Variants in ALKBH5 observed in about 807,000 individuals in gnomAD.
ALKBH5 encodes the protein alkB homolog 5, RNA demethylase.
In ALKBH5, 2 loss-of-function variants were observed where a neutral mutation model predicts 32.1. The observed-to-expected ratio is 0.06, with a 90% CI of 0.03 to 0.20. The LOEUF (loss-of-function observed/expected upper bound fraction) is 0.20, where lower values mean the gene tolerates loss of function less well. ALKBH5 is among the 10% of genes least tolerant of loss of function. The probability of loss-of-function intolerance (pLI) is 1.00; values close to 1 mark genes in which losing one functional copy is unlikely to be tolerated. For missense variants in ALKBH5, 352 were observed against 559.5 expected, an observed-to-expected ratio of 0.63 and a Z score of 3.74; for synonymous variants, 300 against 231.7, an observed-to-expected ratio of 1.29 and a Z score of -2.68.
Position 18,184,436 on chromosome 17 carries a change from G to A in ALKBH5, c.193G>A (p.Asp65Asn), listed in dbSNP as rs1311080940. 6.2e-7 allele frequency: 1 copy of A among 1,602,052 alleles called. No individual in the cohort carries two copies. The highest frequency in any genetic ancestry group is 8.5e-7 in the Non-Finnish European group (1 of 1,174,806). Residue 65 changes from aspartate (D) to asparagine (N), a missense_variant, in exon 1 of 4, where the codon GAC (aspartate) becomes AAC (asparagine). By Grantham distance (23) the Asp-to-Asn change is conservative. This residue lies in a region of ALKBH5 where 144 missense variants were observed against 125.8 expected (regional missense o/e 1.14). Transcript: ENST00000399138. ...CAAGCGCAAGTATCAGGAGGACTCG[G>A]ACCCCGAGCGCAGCGACTATGAGGA... ...GAKRKYQEDS[D>N]PERSDYEEQQ...
chr17:18,201,794 A>AG (rs1491101824), intron 2 of ALKBH5, among the ~76,000 whole-genome samples: 83 of 134,510 alleles, frequency 6.2e-4, no homozygotes, highest in African/African-American at 2.1e-3. Context: ...TAGGATAGAT[A>AG]AGATAGATAG....
intron 2 of ALKBH5, among the ~76,000 whole-genome samples, chr17:18,200,693 G>C (rs1037251592): frequency 6.6e-6 from 1 of 152,182 alleles, no homozygotes; most frequent in East Asian, 1.9e-4. Context: ...AGGCTTTCCA[G>C]ATAAGTGCCA....
intron 2 of ALKBH5, among the ~76,000 whole-genome samples, chr17:18,195,547 G>C (rs1034428834): frequency 1.3e-5 from 2 of 152,194 alleles, no homozygotes; most frequent in African/African-American, 4.8e-5. Flanking sequence ...GAGGGAATCA[G>C]GGATGTGCTA....
chr17:18,203,261 G>T (rs925714726), intron 2 of ALKBH5, among the ~76,000 whole-genome samples: 19 of 152,102 alleles, frequency 1.2e-4, no homozygotes, highest in Non-Finnish European at 2.6e-4. Flanking sequence ...GTAGGTAGTA[G>T]CTTTGTGACT....
chr17:18,207,575 A>G (rs1029415731), intron 3 of ALKBH5, among the ~76,000 whole-genome samples: 1 of 152,066 alleles, frequency 6.6e-6, no homozygotes, highest in African/African-American at 2.4e-5. Flanking sequence ...AGGCAGGAGA[A>G]TGGCGTGAAC....
rs1226170428 is a variant in ALKBH5, at chr17:18,208,325, T to C, written c.1114T>C (p.Tyr372His). 6.2e-7 allele frequency: 1 copy of C among 1,613,892 alleles called. No homozygotes were observed. Among genetic ancestry groups the C allele is most frequent in the African/African-American group, 1.3e-5 (1 of 74,856 alleles). The change falls in exon 4 of 4, where the codon TAC becomes CAC. Residue 372 changes from tyrosine to histidine, a missense_variant. Around this residue, in one of 4 missense-constraint regions of ALKBH5, gnomAD observed 124 missense variants for 142.4 expected, o/e 0.87. Coordinates refer to ENST00000399138, the MANE Select transcript of ALKBH5 (RefSeq NM_017758.4). ...CTCTGAGAACTACTGGCGCAAGTCA[T>C]ACGAGTCCTCAGAGGACTGCTCTGA... is the stretch of plus-strand genomic sequence containing the variant. ...FSSENYWRKS[Y>H]ESSEDCSEAA...
At chr17:18,193,981 A>T (rs2047191884) in intron 1 of ALKBH5, among the ~76,000 whole-genome samples, 1 of 152,200 alleles carries the variant, frequency 6.6e-6, no homozygotes, top group African/African-American at 2.4e-5. Flanking sequence ...TGTGAGGGGT[A>T]TAGGAAGCTC....
At chr17:18,189,936 G>A (rs2047163867) in intron 1 of ALKBH5, among the ~76,000 whole-genome samples, 1 of 152,304 alleles carries the variant, frequency 6.6e-6, no homozygotes, top group South Asian at 2.1e-4. Flanking sequence ...GCCATGGGTC[G>A]TCTTGGAGGC....
At position 18,206,868 on chromosome 17, in the gene ALKBH5, T is replaced by C. The variant is rs752123279; in HGVS notation, c.905T>C (p.Leu302Ser). The C allele has an allele frequency of 6.8e-6, 11 of 1,614,240 alleles. No individual in the cohort carries two copies. The highest frequency in any genetic ancestry group is 5.5e-5 in the South Asian group (5 of 91,092). The part of the protein sequence containing the change: ...LETKSLSSSV[L>S]PPSYASDRLS... ...ACAAAGTCCCTGAGCAGCTCCGTGTTACCACCCAGCTATGCTTCAGATCGC... is the reference window on the plus strand; with the variant it reads ...ACAAAGTCCCTGAGCAGCTCCGTGTCACCACCCAGCTATGCTTCAGATCGC... The change falls in exon 3 of 4, where the codon TTA becomes TCA. Residue 302 changes from leucine to serine, a missense_variant. Leu to Ser is a moderately radical substitution (Grantham distance 145). Transcript: ENST00000399138.
intron 1 of ALKBH5, among the ~76,000 whole-genome samples, chr17:18,190,659 A>G (rs1045262401): frequency 6.6e-6 from 1 of 152,172 alleles, no homozygotes; most frequent in Admixed American, 6.5e-5. Flanking sequence ...AACAGGTTCT[A>G]AGTGGTAGAA....
Position 18,184,777 on chromosome 17 carries a change from G to C in ALKBH5, c.534G>C (p.Glu178Asp), listed in dbSNP as rs1466967345. Residue 178 changes from glutamate (E) to aspartate (D), a missense_variant, in exon 1 of 4, where the codon GAG becomes GAC. Glu to Asp is a conservative substitution (Grantham distance 45, BLOSUM62 2). Around this residue, in one of 4 missense-constraint regions of ALKBH5, gnomAD observed 56 missense variants for 238.1 expected, o/e 0.24. Transcript: ENST00000399138. ...AGCTGGTGATCCAAAAGCTGGTGGA[G>C]CACCGCGTCATCCCCGAGGGCTTCG... ...VHQLVIQKLV[E>D]HRVIPEGFVN... 6.2e-7 allele frequency: 1 copy of C among 1,613,922 alleles called. No homozygotes were observed. The highest frequency in any genetic ancestry group is 8.5e-7 in the Non-Finnish European group (1 of 1,179,962).
chr17:18,188,644 CA>C (rs1016749703), intron 1 of ALKBH5, among the ~76,000 whole-genome samples: 4 of 152,168 alleles, frequency 2.6e-5, no homozygotes, highest in African/African-American at 9.7e-5. Context: ...AGCTCTGGGC[CA>C]GGGGGGTTGG....
intron 3 of ALKBH5, 77 bp from the exon 4 acceptor site, chr17:18,208,142 T>G: frequency 3.1e-5 from 45 of 1,470,048 alleles, no homozygotes; most frequent in Middle Eastern, 2.3e-4. Context: ...ATCCCAAGGA[T>G]GAGACGAGGT....
Position 18,208,519 on chromosome 17 carries a change from T to G in ALKBH5, c.*123T>G. On this transcript the variant is annotated 3_prime_UTR_variant, in exon 4 of 4. Transcript: ENST00000399138. ...GTTTTTTGTTTTTTGTTTTTTTTGA[T>G]TCTATATATTTTTCCTTGGTTTTGT... 1 of 1,171,434 alleles carries G rather than the reference T, an allele frequency of 8.5e-7. No homozygotes were observed. Among genetic ancestry groups the G allele is most frequent in the Non-Finnish European group, 1.2e-6 (1 of 816,388 alleles). 72.6% of individuals were successfully genotyped at this position (1,171,434 alleles called of 1,614,324 possible).
chr17:18,193,404 A>G (rs1004319526), intron 1 of ALKBH5, among the ~76,000 whole-genome samples: 7 of 151,894 alleles, frequency 4.6e-5, no homozygotes, highest in African/African-American at 1.7e-4. Context: ...AAAATTAGAC[A>G]GGCGTGGTGG....
Position 18,208,592 on chromosome 17 carries a change from T to C in ALKBH5, c.*196T>C. 1 of 701,356 alleles carries C rather than the reference T, an allele frequency of 1.4e-6. No individual in the cohort carries two copies. Among genetic ancestry groups the C allele is most frequent in the Non-Finnish European group, 2.5e-6 (1 of 399,396 alleles). The allele number at this position is 701,356 out of a possible 1,614,324, so 43.4% of individuals were successfully genotyped here. A position where few individuals can be genotyped will look rare whatever the true frequency, so the allele number is the denominator to read the frequency against. The stretch of plus-strand genomic sequence containing the variant: ...GAATTGGCCAGGACCTAGGTTCTCA[T>C]ATTCTTGGTATTCCTCCTGGATGGA... On this transcript the variant is annotated 3_prime_UTR_variant, in exon 4 of 4. Transcript: ENST00000399138.
At chr17:18,189,039 C>T (rs1201821252) in intron 1 of ALKBH5, among the ~76,000 whole-genome samples, 2 of 151,822 alleles carry the variant, frequency 1.3e-5, no homozygotes, top group Non-Finnish European at 2.9e-5. Context: ...TGCGCTCCAG[C>T]CTGTGCTGTA....
intron 2 of ALKBH5, among the ~76,000 whole-genome samples, chr17:18,200,512 G>T (rs942485846): frequency 6.6e-6 from 1 of 152,190 alleles, no homozygotes; most frequent in East Asian, 1.9e-4. Context: ...AGCTCAGAGT[G>T]GTCTGAAGCT....
intron 2 of ALKBH5, among the ~76,000 whole-genome samples, chr17:18,198,426 C>T (rs757634507): frequency 5.9e-5 from 9 of 152,152 alleles, no homozygotes; most frequent in South Asian, 2.1e-4. Flanking sequence ...TGGGAAAGGA[C>T]GGGTTGTGAC....
Sources: gnomAD v4.1 joint callset for allele counts (sites outside exome capture counted in the v4.1 genomes callset) on GRCh38, gnomAD v4.1.1 for gene constraint, gnomAD v4.1.1 regional missense constraint, MANE v1.5 for transcripts, NCBI Gene and HGNC (gene_info 2026-07-23, HGNC 2026-07-21) for gene names.